The following TNS1 variants were observed in gnomAD, a reference collection of about 807,000 sequenced individuals.
The protein encoded by TNS1 is tensin 1.
In TNS1, 62 loss-of-function variants were observed where a neutral mutation model predicts 168.6. That is an observed-to-expected ratio of 0.37 (90% CI 0.30 to 0.45). The LOEUF is 0.45. Among genes scored for constraint, TNS1 ranks in the 20% least tolerant of loss-of-function variants. The pLI is 1.00. For missense variants in TNS1, 2,240 were observed against 2,339.4 expected, an observed-to-expected ratio of 0.96 and a Z score of 0.88; for synonymous variants, 934 against 933.2, an observed-to-expected ratio of 1.00 and a Z score of -0.02.
At chr2:217,993,663 G>T (rs1184019853) in intron 1 of TNS1, among the ~76,000 whole-genome samples, 1 of 152,198 alleles carries the variant, frequency 6.6e-6, no homozygotes, top group East Asian at 1.9e-4. Context: ...CGAAAGTAAC[G>T]GCGGCTTCTG....
chr2:217,917,491 G>T lies in TNS1; in HGVS notation c.228+2704C>A, dbSNP rs146707275. ...CTGAGGGGCAGTGGAAGCATGGAAG[G>T]GAGACTGGGTGCTGGGGAAAGGGAA... is the stretch of plus-strand genomic sequence containing the variant. On this transcript the variant is annotated intron_variant, in intron 4 of 32. Transcript: ENST00000682258. Among the ~76,000 whole-genome samples the T allele has an allele frequency of 3.4e-4, 52 of 152,254 alleles. No homozygotes were observed. The East Asian group carries it at 3.7e-3, about 11-fold the overall frequency.
chr2:217,957,196 C>A (rs1957387059), intron 3 of TNS1, among the ~76,000 whole-genome samples: 1 of 152,166 alleles, frequency 6.6e-6, no homozygotes, highest in African/African-American at 2.4e-5. Context: ...CCCATGGTGG[C>A]CAGCCCCTTC....
chr2:217,978,744 C>G, intron 3 of TNS1, 21 bp downstream of exon 3: 1 of 702,114 alleles, frequency 1.4e-6, no homozygotes, highest in Non-Finnish European at 2.6e-6. Context: ...CTCCCGGGCC[C>G]GCCAGCCCGC....
chr2:217,918,279 C>T (rs892840531), intron 4 of TNS1, among the ~76,000 whole-genome samples: 12 of 152,198 alleles, frequency 7.9e-5, no homozygotes, highest in African/African-American at 2.9e-4. Flanking sequence ...ATGTCAGGGT[C>T]GTACACCAGG....
Position 217,948,149 on chromosome 2 carries a change from G to A in TNS1, c.187-27913C>T, listed in dbSNP as rs148846395. On this transcript the variant is annotated intron_variant, in intron 3 of 32. Coordinates refer to ENST00000682258, the MANE Select transcript of TNS1 (RefSeq NM_001387777.1). The surrounding 1 kb of genome is among the most constrained non-coding windows in gnomAD (Gnocchi z 4.1). ...CACACTCAAGGAGCCAGACTCTCAGGTTCTTACAGCACTAAGGTGAAGTTC... is the reference window on the plus strand; with the variant it reads ...CACACTCAAGGAGCCAGACTCTCAGATTCTTACAGCACTAAGGTGAAGTTC... 5.9e-4 allele frequency among the ~76,000 whole-genome samples: 90 copies of A among 152,328 alleles called. No homozygotes were observed. Among genetic ancestry groups the A allele is most frequent in the African/African-American group, 2.0e-3 (83 of 41,578 alleles).
At chr2:217,966,268 C>CGTGT (rs3838555) in intron 3 of TNS1, among the ~76,000 whole-genome samples, 7,429 of 140,638 alleles carry the variant, frequency 0.053, 219 homozygotes, top group South Asian at 0.077. Flanking sequence ...GAGCAGGCTG[C>CGTGT]GTGTGTGTGT....
chr2:217,912,453 GC>G (rs112277748), intron 4 of TNS1, among the ~76,000 whole-genome samples: 58,005 of 151,984 alleles, frequency 0.38, 11,982 homozygotes, highest in African/African-American at 0.53. Flanking sequence ...GGGCTTGGGG[GC>G]CAAAAAGACC....
At chr2:217,920,731 G>A (rs1955623833) in intron 3 of TNS1, among the ~76,000 whole-genome samples, 1 of 152,136 alleles carries the variant, frequency 6.6e-6, no homozygotes, top group Non-Finnish European at 1.5e-5. Context: ...GCTGCAGAAG[G>A]CTCCTACCAG....
chr2:218,003,846 C>A (rs1406627270), upstream of TNS1, among the ~76,000 whole-genome samples: 1 of 141,254 alleles, frequency 7.1e-6, no homozygotes, highest in Non-Finnish European at 1.5e-5. Flanking sequence ...AGGCCTATTT[C>A]TTCCCCTCAG....
intron 1 of TNS1, among the ~76,000 whole-genome samples, chr2:217,994,824 G>A (rs1001808911): frequency 1.4e-4 from 21 of 152,256 alleles, no homozygotes; most frequent in African/African-American, 4.3e-4. Flanking sequence ...CAGCCACAGG[G>A]GATGCCCCAG....
chr2:217,992,664 G>A (rs1958398195), intron 1 of TNS1: 1 of 152,456 alleles, frequency 6.6e-6, no homozygotes, highest in African/African-American at 2.4e-5. Context: ...AAGAGAAAAG[G>A]ACAGGGGAGA....
At position 217,998,219 on chromosome 2, in the gene TNS1, G is replaced by GTCTCTCTCTC. The variant is rs1173660793; in HGVS notation, c.33+4620_33+4621insGAGAGAGAGA. Among the ~76,000 whole-genome samples the GTCTCTCTCTC allele has an allele frequency of 3.3e-3, 321 of 97,054 alleles. 2 individuals carry two copies. The highest frequency in any genetic ancestry group is 0.013 in the African/African-American group (292 of 23,170). The allele number at this position is 97,054 out of a possible 152,430, so 63.7% of individuals were successfully genotyped here. ...TGAGATAGATGAGTTCTCTCCATCA[G>GTCTCTCTCTC]TGTCTCTCTCTCTCTCTCTCTCTCT... On this transcript the variant is annotated intron_variant, in intron 1 of 32. Transcript: ENST00000682258.
At chr2:218,010,250 C>A (rs1958693983) in exon 1 of TNS1, 2 of 398,696 alleles carry the variant, frequency 5.0e-6, no homozygotes, top group Admixed American at 8.8e-5. Flanking sequence ...GTGGACCCGC[C>A]GCTCCTGGCG....
intron 18 of TNS1, chr2:217,859,745 CA>C: frequency 6.9e-7 from 1 of 1,453,362 alleles, no homozygotes; most frequent in Non-Finnish European, 9.3e-7. Context: ...TCAGAGTTCG[CA>C]ATGCCTCACC....
At chr2:217,895,121 G>C (rs536220976) in intron 8 of TNS1, 65 bp from the exon 9 acceptor site, 1 of 1,484,270 alleles carries the variant, frequency 6.7e-7, no homozygotes, top group African/African-American at 1.4e-5. Context: ...AGGAGAGAGA[G>C]AACCATGGCC....
Position 217,882,907 on chromosome 2 carries a change from T to C in TNS1, c.1247-496A>G, listed in dbSNP as rs1335297610. 2.0e-5 allele frequency among the ~76,000 whole-genome samples: 3 copies of C among 152,188 alleles called. No individual in the cohort carries two copies. In the East Asian group the frequency reaches 5.8e-4, roughly 29 times the overall value. ...ATCTCCCAAGCCAAAGTGGTCCTCC[T>C]ACCTCTGCCTCCAGAGTAACTGGGA... is the stretch of plus-strand genomic sequence containing the variant. On this transcript the variant is annotated intron_variant, in intron 16 of 32. Transcript: ENST00000682258.
intron 3 of TNS1, among the ~76,000 whole-genome samples, chr2:217,965,804 G>C (rs550952351): frequency 3.9e-5 from 6 of 152,074 alleles, no homozygotes; most frequent in African/African-American, 1.2e-4. Flanking sequence ...AAGCAGCCAG[G>C]GTGGCTGGTG....
intron 6 of TNS1, among the ~76,000 whole-genome samples, chr2:217,901,234 G>A (rs1952938332): frequency 6.6e-6 from 1 of 152,188 alleles, no homozygotes; most frequent in Non-Finnish European, 1.5e-5. Flanking sequence ...AGACCACAGA[G>A]TTTGGATTCC....
At chr2:217,970,630 T>C (rs1372035837) in intron 3 of TNS1, among the ~76,000 whole-genome samples, 1 of 152,192 alleles carries the variant, frequency 6.6e-6, no homozygotes, top group Non-Finnish European at 1.5e-5. Context: ...GAAGCCAGTC[T>C]TGAAGACCAC....
Sources: allele counts gnomAD v4.1 joint callset (sites outside exome capture counted in the v4.1 genomes callset), GRCh38; gene constraint gnomAD v4.1.1; non-coding constraint Gnocchi (gnomAD v3.1); transcripts MANE v1.5; gene names NCBI Gene and HGNC (gene_info 2026-07-23, HGNC 2026-07-21).